RPRD2: variants seen among roughly 807,000 people sequenced by gnomAD.
The protein encoded by RPRD2 is regulation of nuclear pre-mRNA domain-containing protein 2.
RPRD2 carries 12 observed loss-of-function variants against 104.4 expected under a neutral mutation model. The observed-to-expected ratio is 0.11, with a 90% confidence interval of 0.07 to 0.19. The LOEUF is 0.19. Among genes scored for constraint, RPRD2 ranks in the 10% least tolerant of loss-of-function variants. The pLI is 1.00. For synonymous variants in RPRD2, 714 were observed against 684.9 expected, an observed-to-expected ratio of 1.04 and a Z score of -0.66; for missense variants, 1,543 against 1,790.1, an observed-to-expected ratio of 0.86 and a Z score of 2.49.
At chr1:150,380,166 T>A (rs1661020093) in intron 1 of RPRD2, among the ~76,000 whole-genome samples, 2 of 152,194 alleles carry the variant, frequency 1.3e-5, no homozygotes, top group Non-Finnish European at 2.9e-5. Flanking sequence ...AACTATCACT[T>A]TATTAAAAAG....
At chr1:150,395,365 TTGTGTGTGTG>T (rs10524632) in intron 1 of RPRD2, among the ~76,000 whole-genome samples, 20 of 144,074 alleles carry the variant, frequency 1.4e-4, no homozygotes, top group Non-Finnish European at 2.3e-4. Context: ...TAGTATTCCA[TTGTGTGTGTG>T]TGTGTGTGTG....
chr1:150,374,357 T>C (rs1553879067), intron 1 of RPRD2, among the ~76,000 whole-genome samples: 1 of 152,192 alleles, frequency 6.6e-6, no homozygotes, highest in African/African-American at 2.4e-5. Context: ...CTTCATCTGG[T>C]GTTCATTGGT....
At position 150,460,435 on chromosome 1, in the gene RPRD2, G is replaced by T. The variant is rs587669761; in HGVS notation, c.1411+118G>T. On this transcript the variant is annotated intron_variant, in intron 9 of 10. Transcript: ENST00000369068. Reference sequence around the variant, plus strand: ...GTTGTTGTTGTTTAGACAGAGTTTCGCTCTGTCTCCCAGGCAGGAGTGCAG... The same window carrying T: ...GTTGTTGTTGTTTAGACAGAGTTTCTCTCTGTCTCCCAGGCAGGAGTGCAG... The T allele has an allele frequency of 3.3e-5, 35 of 1,062,496 alleles. 1 individual carries two copies. Among genetic ancestry groups the T allele is most frequent in the Admixed American group, 2.3e-4 (10 of 43,592 alleles). The allele number at this position is 1,062,496 out of a possible 1,614,324, so 65.8% of individuals were successfully genotyped here. A position where few individuals can be genotyped will look rare whatever the true frequency, so the allele number is the denominator to read the frequency against.
chr1:150,404,323 T>A (rs1553886064), intron 1 of RPRD2, among the ~76,000 whole-genome samples: 1 of 152,140 alleles, frequency 6.6e-6, no homozygotes, highest in African/African-American at 2.4e-5. Context: ...CTTCACTCAC[T>A]GCAACCTCTG....
At chr1:150,456,617 A>C (rs1307134111) in intron 7 of RPRD2, among the ~76,000 whole-genome samples, 1 of 133,732 alleles carries the variant, frequency 7.5e-6, no homozygotes, top group Non-Finnish European at 1.7e-5. Context: ...TAAGAGAATA[A>C]AATTTTATTT....
At chr1:150,369,047 C>T (rs968207533) in intron 1 of RPRD2, among the ~76,000 whole-genome samples, 2 of 152,156 alleles carry the variant, frequency 1.3e-5, no homozygotes, top group African/African-American at 4.8e-5. Flanking sequence ...TGCCCTGTCC[C>T]CAAACAACTA....
rs1666525011 is a variant in RPRD2, at chr1:150,443,231, C to T, written c.515C>T (p.Thr172Ile). The T allele has an allele frequency of 6.4e-7, 1 of 1,573,772 alleles. No homozygotes were observed. Among genetic ancestry groups the T allele is most frequent in the African/African-American group, 1.3e-5 (1 of 74,326 alleles). ...ATGACCTTTTGTTTAATTCCAACAG[C>T]ATCTACAAATCCAAAAGCTGCTCTC... ...QPNKQWKKSQ[T>I]STNPKAALKS... Residue 172 changes from threonine (T) to isoleucine (I), a missense_variant and splice_region_variant, in exon 5 of 11, where the codon ACA (threonine) becomes ATA (isoleucine). Physicochemically the swap from Thr to Ile is moderately conservative, Grantham distance 89. This residue lies in a region of RPRD2 where 572 missense variants were observed against 787.3 expected (regional missense o/e 0.73). Transcript: ENST00000369068.
At position 150,474,515 on chromosome 1, in the gene RPRD2, T is replaced by TA. The variant is rs1332720153; in HGVS notation, c.*1184dup. On this transcript the variant is annotated 3_prime_UTR_variant, in exon 11 of 11. Transcript: ENST00000369068. ...CCCACCTCTCGCTCCCAATAGGAAATAAAGACCATTTCTGCCCTTAGTTGT... is the reference window on the plus strand; with the variant it reads ...CCCACCTCTCGCTCCCAATAGGAAATAAAAGACCATTTCTGCCCTTAGTTGT... 1.3e-5 allele frequency: 2 copies of TA among 152,152 alleles called. No individual in the cohort carries two copies. Among genetic ancestry groups the TA allele is most frequent in the Non-Finnish European group, 2.9e-5 (2 of 68,022 alleles). The allele number at this position is 152,152 out of a possible 1,614,324, so 9.4% of individuals were successfully genotyped here. A position where few individuals can be genotyped will look rare whatever the true frequency, so the allele number is the denominator to read the frequency against.
chr1:150,473,285 G>C lies in RPRD2; in HGVS notation c.4337G>C (p.Gly1446Ala). 6.2e-7 allele frequency: 1 copy of C among 1,613,720 alleles called. No homozygotes were observed. Among genetic ancestry groups the C allele is most frequent in the African/African-American group, 1.3e-5 (1 of 75,020 alleles). Reference sequence around the variant, plus strand: ...AGACCCAGGCCACCTTTTGCTAGGGGCCCTCCGTTCTTTGCACCAAAACGC... The same window carrying C: ...AGACCCAGGCCACCTTTTGCTAGGGCCCCTCCGTTCTTTGCACCAAAACGC... Reference protein sequence around the residue: ...LKRPRPPFARGPPFFAPKRPF... With the variant: ...LKRPRPPFARAPPFFAPKRPF... The change falls in exon 11 of 11, where the codon GGC becomes GCC. Residue 1446 changes from glycine to alanine, a missense_variant. By Grantham distance (60) the Gly-to-Ala change is moderately conservative. Coordinates refer to ENST00000369068, the MANE Select transcript of RPRD2 (RefSeq NM_015203.5).
intron 1 of RPRD2, among the ~76,000 whole-genome samples, chr1:150,376,731 A>T (rs1401734087): frequency 6.6e-6 from 1 of 150,516 alleles, no homozygotes; most frequent in African/African-American, 2.4e-5. Context: ...CGATCTCCTG[A>T]CCTCGTGATC....
chr1:150,472,829 C>A lies in RPRD2; in HGVS notation c.3881C>A (p.Pro1294His). 6.2e-7 allele frequency: 1 copy of A among 1,610,188 alleles called. No homozygotes were observed. The highest frequency in any genetic ancestry group is 8.5e-7 in the Non-Finnish European group (1 of 1,177,288). ...GSGVPFSTPPPPPPPVDHSGV... is the reference protein window; with the variant it reads ...GSGVPFSTPPHPPPPVDHSGV... ...GGTGTCCCCTTTTCTACTCCACCCCCTCCTCCACCCCCTGTTGACCACTCT... is the reference window on the plus strand; with the variant it reads ...GGTGTCCCCTTTTCTACTCCACCCCATCCTCCACCCCCTGTTGACCACTCT... The change falls in exon 11 of 11, where the codon CCT (proline) becomes CAT (histidine). Residue 1294 changes from proline to histidine, a missense_variant. Physicochemically the swap from Pro to His is moderately conservative, Grantham distance 77. Coordinates refer to ENST00000369068, the MANE Select transcript of RPRD2 (RefSeq NM_015203.5).
chr1:150,445,791 G>A (rs1553895370), intron 6 of RPRD2, among the ~76,000 whole-genome samples: 1 of 152,104 alleles, frequency 6.6e-6, no homozygotes, highest in Non-Finnish European at 1.5e-5. Flanking sequence ...TTGTGAGGCC[G>A]GGCACGGTGG....
At chr1:150,366,138 G>C (rs1553877120) in intron 1 of RPRD2, among the ~76,000 whole-genome samples, 1 of 152,184 alleles carries the variant, frequency 6.6e-6, no homozygotes, top group African/African-American at 2.4e-5. Flanking sequence ...ACTGTTTCCT[G>C]CTGAGAAGAG....
intron 1 of RPRD2, among the ~76,000 whole-genome samples, chr1:150,376,778 G>GTGGAAAA (rs1660730019): frequency 6.6e-6 from 1 of 151,726 alleles, no homozygotes; most frequent in Non-Finnish European, 1.5e-5. Flanking sequence ...GGGATTACAG[G>GTGGAAAA]CGTGAGCCAC....
At chr1:150,368,205 GTTTTTTT>G (rs10572674) in intron 1 of RPRD2, among the ~76,000 whole-genome samples, 1 of 112,742 alleles carries the variant, frequency 8.9e-6, no homozygotes, top group Non-Finnish European at 1.8e-5. Context: ...CTTATTTCTT[GTTTTTTT>G]TTTTTTTTTT....
intron 1 of RPRD2, among the ~76,000 whole-genome samples, chr1:150,403,561 C>A (rs193297970): frequency 1.3e-5 from 2 of 152,266 alleles, no homozygotes; most frequent in East Asian, 3.9e-4. Context: ...AATGACTTTG[C>A]AAGGTTCATC....
At chr1:150,391,059 A>G (rs1393411989) in intron 1 of RPRD2, among the ~76,000 whole-genome samples, 3 of 152,214 alleles carry the variant, frequency 2.0e-5, no homozygotes, top group East Asian at 1.9e-4. Flanking sequence ...GTATGAAACT[A>G]TCACTGCACA....
intron 1 of RPRD2, among the ~76,000 whole-genome samples, chr1:150,410,620 T>C (rs1265258622): frequency 5.3e-5 from 8 of 152,226 alleles, no homozygotes; most frequent in African/African-American, 1.4e-4. Context: ...CTCTTACTGC[T>C]CTCTCTACAG....
intron 1 of RPRD2, among the ~76,000 whole-genome samples, chr1:150,400,369 T>C (rs1285068869): frequency 6.6e-6 from 1 of 152,200 alleles, no homozygotes; most frequent in African/African-American, 2.4e-5. Flanking sequence ...CCTTGCCTTA[T>C]TGCATTGGCT....
Sources: gnomAD v4.1 joint callset for allele counts (sites outside exome capture counted in the v4.1 genomes callset) on GRCh38, gnomAD v4.1.1 for gene constraint, gnomAD v4.1.1 regional missense constraint, MANE v1.5 for transcripts, NCBI Gene and HGNC (gene_info 2026-07-23, HGNC 2026-07-21) for gene names.